Variants in CDH20 observed in about 807,000 individuals in gnomAD.
CDH20 encodes cadherin-20.
Under a neutral mutation model 74.2 loss-of-function variants are expected in CDH20, and 29 were observed. The observed-to-expected ratio is 0.39, with a 90% CI of 0.29 to 0.53. The LOEUF (loss-of-function observed/expected upper bound fraction) is 0.53. Ranked by LOEUF, CDH20 falls within the 20% of genes least tolerant of loss-of-function variation. CDH20 has a pLI of 0.69. For synonymous variants in CDH20, 469 were observed against 405.4 expected, an observed-to-expected ratio of 1.16 and a Z score of -1.88; for missense variants, 988 against 1,048.3, an observed-to-expected ratio of 0.94 and a Z score of 0.79.
chr18:61,453,289 T>C (rs1909458437), intron 1 of CDH20, among the ~76,000 whole-genome samples: 1 of 152,108 alleles, frequency 6.6e-6, no homozygotes. Context: ...TTTTTGTTTG[T>C]TTTTTTGAGA....
chr18:61,540,270 G>A (rs1489769640), intron 9 of CDH20, among the ~76,000 whole-genome samples: 2 of 152,142 alleles, frequency 1.3e-5, no homozygotes, highest in Non-Finnish European at 1.5e-5. Flanking sequence ...ATGAAAGCTG[G>A]GGAAGCGCAT....
intron 10 of CDH20, among the ~76,000 whole-genome samples, chr18:61,546,584 C>T (rs1046461665): frequency 1.3e-5 from 2 of 151,984 alleles, no homozygotes; most frequent in Admixed American, 6.6e-5. Flanking sequence ...AAAGGCAACC[C>T]TGGGGAGGGA....
At chr18:61,427,703 C>CAAACTGATA (rs1196332340) in intron 1 of CDH20, among the ~76,000 whole-genome samples, 1 of 152,204 alleles carries the variant, frequency 6.6e-6, no homozygotes, top group Non-Finnish European at 1.5e-5. Flanking sequence ...TCTCTTATCA[C>CAAACTGATA]AAACTGATAA....
At chr18:61,517,576 T>C (rs1022426528) in intron 6 of CDH20, among the ~76,000 whole-genome samples, 1 of 152,192 alleles carries the variant, frequency 6.6e-6, no homozygotes, top group Non-Finnish European at 1.5e-5. Flanking sequence ...GCTTTTCCCA[T>C]GGTCTTTGCA....
intron 11 of CDH20, among the ~76,000 whole-genome samples, chr18:61,553,001 G>A (rs999820879): frequency 2.0e-5 from 3 of 152,122 alleles, no homozygotes; most frequent in Admixed American, 2.0e-4. Flanking sequence ...AAATACACAT[G>A]AGCGTATCAT....
At chr18:61,412,389 G>T (rs1266158224) in intron 1 of CDH20, among the ~76,000 whole-genome samples, 4 of 152,058 alleles carry the variant, frequency 2.6e-5, no homozygotes, top group African/African-American at 9.7e-5. Context: ...GGTGTAAATT[G>T]GTACAACCTT....
At chr18:61,480,155 G>A (rs890530420) in intron 1 of CDH20, among the ~76,000 whole-genome samples, 10 of 152,012 alleles carry the variant, frequency 6.6e-5, no homozygotes, top group Non-Finnish European at 1.2e-4. Context: ...AGAATTAGAG[G>A]AAAAAAGATC....
intron 1 of CDH20, among the ~76,000 whole-genome samples, chr18:61,390,369 C>G (rs563056844): frequency 2.0e-5 from 3 of 152,260 alleles, no homozygotes; most frequent in African/African-American, 7.2e-5. Flanking sequence ...ACTTCAGCCA[C>G]TATTTGAAAA....
intron 1 of CDH20, among the ~76,000 whole-genome samples, chr18:61,459,838 C>G (rs548613795): frequency 1.3e-5 from 2 of 152,284 alleles, no homozygotes; most frequent in Admixed American, 1.3e-4. Flanking sequence ...TCTAATCATT[C>G]CTCTTAGGAG....
intron 1 of CDH20, among the ~76,000 whole-genome samples, chr18:61,450,123 A>G (rs1020006094): frequency 4.6e-5 from 7 of 152,040 alleles, no homozygotes; most frequent in African/African-American, 1.4e-4. Flanking sequence ...CCTATTCAAT[A>G]CCAGGCACAT....
chr18:61,442,646 C>T (rs1909072432), intron 1 of CDH20, among the ~76,000 whole-genome samples: 1 of 152,154 alleles, frequency 6.6e-6, no homozygotes, highest in Non-Finnish European at 1.5e-5. Flanking sequence ...CTATTATGTG[C>T]TTTCACAGAA....
intron 1 of CDH20, among the ~76,000 whole-genome samples, chr18:61,391,146 G>C (rs949963042): frequency 2.0e-5 from 3 of 152,128 alleles, no homozygotes; most frequent in Non-Finnish European, 4.4e-5. Context: ...AGAATATCCT[G>C]AGATATAAAT....
At chr18:61,426,103 T>G (rs557894745) in intron 1 of CDH20, among the ~76,000 whole-genome samples, 2 of 152,094 alleles carry the variant, frequency 1.3e-5, no homozygotes, top group East Asian at 3.9e-4. Context: ...AGTTTTGGGG[T>G]TTTTTAATGT....
At chr18:61,518,029 C>T (rs1382025787) in intron 6 of CDH20, among the ~76,000 whole-genome samples, 2 of 152,104 alleles carry the variant, frequency 1.3e-5, no homozygotes, top group Non-Finnish European at 2.9e-5. Context: ...CAGAGCCCAC[C>T]GCAGCTCTGC....
intron 1 of CDH20, among the ~76,000 whole-genome samples, chr18:61,378,381 G>C (rs1240640763): frequency 2.0e-5 from 3 of 152,154 alleles, no homozygotes; most frequent in Non-Finnish European, 4.4e-5. Flanking sequence ...CCAAAGGTGG[G>C]AGAAGACTGA....
intron 1 of CDH20, among the ~76,000 whole-genome samples, chr18:61,433,412 G>A (rs1239035344): frequency 6.6e-6 from 1 of 152,078 alleles, no homozygotes; most frequent in Non-Finnish European, 1.5e-5. Context: ...ATATAATGAA[G>A]ACAAATATAT....
chr18:61,429,696 G>T (rs376131358), intron 1 of CDH20, among the ~76,000 whole-genome samples: 6 of 152,146 alleles, frequency 3.9e-5, no homozygotes, highest in African/African-American at 1.4e-4. Flanking sequence ...ATTCTAACAT[G>T]AAAGAGTCAA....
intron 1 of CDH20, among the ~76,000 whole-genome samples, chr18:61,384,338 AATTCTG>A (rs1171619191): frequency 6.6e-6 from 1 of 152,184 alleles, no homozygotes; most frequent in African/African-American, 2.4e-5. Context: ...AGTTCAGGCT[AATTCTG>A]ACAATAAGTT....
chr18:61,486,124 C>T (rs1481954268), intron 1 of CDH20, among the ~76,000 whole-genome samples: 1 of 152,130 alleles, frequency 6.6e-6, no homozygotes, highest in Non-Finnish European at 1.5e-5. Flanking sequence ...GAGTTAAAAT[C>T]CTTCTGTATA....
Sources: gnomAD v4.1 joint callset for allele counts (sites outside exome capture counted in the v4.1 genomes callset) on GRCh38, gnomAD v4.1.1 for gene constraint, MANE v1.5 for transcripts, NCBI Gene and HGNC (gene_info 2026-07-23, HGNC 2026-07-21) for gene names.